OTOF: variants seen among roughly 807,000 people sequenced by gnomAD.
OTOF encodes fer-1-like family member 2.
A neutral mutation model predicts 236.8 loss-of-function variants in OTOF; 218 were observed. The ratio of observed to expected loss-of-function variants is 0.92; its 90% CI spans 0.82 to 1.03. The LOEUF is 1.03. Ranked by LOEUF, OTOF falls within the 50% of genes least tolerant of loss-of-function variation. The probability of loss-of-function intolerance (pLI) is 0.00; values close to 1 mark genes in which losing one functional copy is unlikely to be tolerated. For missense variants in OTOF, 2,590 were observed against 2,694.4 expected (o/e 0.96, Z 0.86); for synonymous variants, 1,041 against 1,072.5 (o/e 0.97, Z 0.57).
chr2:26,474,227 C>T, intron 26 of OTOF, 117 bp from the exon 27 acceptor site: 4 of 1,396,630 alleles, frequency 2.9e-6, no homozygotes, highest in Non-Finnish European at 3.9e-6. Context: ...ACCACGCCCC[C>T]AGCTTTGGTC....
intron 1 of OTOF, 62 bp downstream of exon 1, chr2:26,558,431 C>T: frequency 6.8e-7 from 1 of 1,470,088 alleles, no homozygotes; most frequent in Non-Finnish European, 9.5e-7. Flanking sequence ...CCGGCCACCT[C>T]CAGAGCATGG....
intron 15 of OTOF, 71 bp downstream of exon 15, chr2:26,480,715 A>T: frequency 7.8e-7 from 1 of 1,287,310 alleles, no homozygotes; most frequent in Non-Finnish European, 1.1e-6. Context: ...AAAGCCTGGG[A>T]CCCAGGTGAC....
At chr2:26,552,425 C>T (rs1667484525) in intron 1 of OTOF, among the ~76,000 whole-genome samples, 1 of 152,126 alleles carries the variant, frequency 6.6e-6, no homozygotes, top group Admixed American at 6.5e-5. Flanking sequence ...AGAGATGTGG[C>T]TTTCACATGA....
intron 1 of OTOF, among the ~76,000 whole-genome samples, chr2:26,548,432 A>G (rs1522105): frequency 0.27 from 41,548 of 152,092 alleles, 7,515 homozygotes; most frequent in East Asian, 0.7. Context: ...TAATTCCAGA[A>G]TATTTTCATC....
At chr2:26,496,501 A>G (rs914943066) in intron 8 of OTOF, among the ~76,000 whole-genome samples, 1 of 152,018 alleles carries the variant, frequency 6.6e-6, no homozygotes, top group Non-Finnish European at 1.5e-5. Flanking sequence ...TGGCCTCCCA[A>G]AGTGCTGGGA....
Position 26,483,527 on chromosome 2 carries a change from C to T in OTOF, c.1327G>A (p.Ala443Thr). ...AGGTCCTTGTTTTCACCGATGAAAG[C>T]CTTCTTTACATTGGCCATGAGGCTT... ...NTSLMANVKK[A>T]FIGENKDLVD... Residue 443 changes from alanine (A) to threonine (T), a missense_variant, in exon 13 of 47, where the codon GCT (alanine) becomes ACT (threonine). Ala to Thr is a moderately conservative substitution (Grantham distance 58). Transcript: ENST00000272371. 1.9e-6 allele frequency: 3 copies of T among 1,614,010 alleles called. No homozygotes were observed. Among genetic ancestry groups the T allele is most frequent in the Non-Finnish European group, 2.5e-6 (3 of 1,180,018 alleles).
intron 2 of OTOF, among the ~76,000 whole-genome samples, chr2:26,534,959 C>G (rs989070220): frequency 1.3e-5 from 2 of 152,234 alleles, no homozygotes; most frequent in Non-Finnish European, 2.9e-5. Flanking sequence ...GGGAAGTTTA[C>G]AACTTGTCCA....
At chr2:26,557,435 T>C (rs1667620508) in intron 1 of OTOF, among the ~76,000 whole-genome samples, 1 of 151,886 alleles carries the variant, frequency 6.6e-6, no homozygotes, top group Non-Finnish European at 1.5e-5. Flanking sequence ...AAGGACAGAG[T>C]CAGCCTGGCC....
intron 9 of OTOF, among the ~76,000 whole-genome samples, chr2:26,493,796 C>T (rs142701373): frequency 3.0e-4 from 45 of 152,216 alleles, no homozygotes; most frequent in African/African-American, 9.9e-4. Context: ...ACTTAGGCGA[C>T]GTCAGGGAAG....
chr2:26,517,596 T>A (rs10197718), intron 4 of OTOF, among the ~76,000 whole-genome samples: 1 of 152,104 alleles, frequency 6.6e-6, no homozygotes, highest in African/African-American at 2.4e-5. Context: ...CCCATGTCCT[T>A]TCTGGAACAA....
chr2:26,472,248 A>G, intron 30 of OTOF: 1 of 501,170 alleles, frequency 2.0e-6, no homozygotes, highest in Non-Finnish European at 3.7e-6. Context: ...ATGCACATAC[A>G]TCACATGCAT....
chr2:26,540,571 G>A (rs1371323713), intron 1 of OTOF, among the ~76,000 whole-genome samples: 1 of 152,160 alleles, frequency 6.6e-6, no homozygotes, highest in Non-Finnish European at 1.5e-5. Flanking sequence ...TGTTTAGTAA[G>A]AGCTCTCCAG....
At chr2:26,501,702 C>T in intron 8 of OTOF, 52 bp downstream of exon 8, 2 of 1,244,144 alleles carry the variant, frequency 1.6e-6, no homozygotes. Flanking sequence ...CGGCTAGAAT[C>T]CCCCACTAGA....
intron 5 of OTOF, among the ~76,000 whole-genome samples, chr2:26,510,236 C>A (rs1666349335): frequency 6.6e-6 from 1 of 152,104 alleles, no homozygotes; most frequent in Non-Finnish European, 1.5e-5. Flanking sequence ...CCAACTCCAC[C>A]CACGACCTGC....
intron 13 of OTOF, among the ~76,000 whole-genome samples, chr2:26,482,837 G>GTGCATGTGTGCGTGAGTGGA (rs1665587039): frequency 2.0e-5 from 3 of 149,680 alleles, no homozygotes; most frequent in East Asian, 2.0e-4. Context: ...GCGTGAGTGG[G>GTGCATGTGTGCGTGAGTGGA]TGCATGTGTG....
intron 8 of OTOF, among the ~76,000 whole-genome samples, chr2:26,497,089 C>CTTTTTTTTTTTT (rs201349303): frequency 6.1e-5 from 6 of 97,758 alleles, no homozygotes; most frequent in African/African-American, 9.2e-5. Context: ...GTACATTCTT[C>CTTTTTTTTTTTT]TTTTTTTTTT....
intron 5 of OTOF, among the ~76,000 whole-genome samples, chr2:26,505,917 G>C (rs1452162136): frequency 6.6e-6 from 1 of 152,210 alleles, no homozygotes; most frequent in African/African-American, 2.4e-5. Context: ...CATTCAAAAA[G>C]AACCTGAGCA....
At chr2:26,545,279 T>C (rs1413668795) in intron 1 of OTOF, among the ~76,000 whole-genome samples, 8 of 152,208 alleles carry the variant, frequency 5.3e-5, no homozygotes, top group Non-Finnish European at 1.2e-4. Context: ...CATTTTCACA[T>C]GTTTATTGGC....
At chr2:26,494,098 G>T (rs1280437166) in intron 9 of OTOF, among the ~76,000 whole-genome samples, 1 of 152,220 alleles carries the variant, frequency 6.6e-6, no homozygotes, top group African/African-American at 2.4e-5. Flanking sequence ...GGTGGCCAGA[G>T]CCCTGGGCTG....
Sources: gnomAD v4.1 joint callset for allele counts (sites outside exome capture counted in the v4.1 genomes callset) on GRCh38, gnomAD v4.1.1 for gene constraint, MANE v1.5 for transcripts, NCBI Gene and HGNC (gene_info 2026-07-23, HGNC 2026-07-21) for gene names.